MTSS1: variants seen among roughly 807,000 people sequenced by gnomAD.
The protein encoded by MTSS1 is protein MTSS 1.
MTSS1 carries 18 observed loss-of-function variants against 79.0 expected under a neutral mutation model. The observed-to-expected ratio is 0.23, with a 90% confidence interval of 0.16 to 0.34. The LOEUF is 0.34. Ranked by LOEUF, MTSS1 falls within the 10% of genes least tolerant of loss-of-function variation. The probability of loss-of-function intolerance (pLI) is 1.00; values close to 1 mark genes in which losing one functional copy is unlikely to be tolerated. For missense variants in MTSS1, 815 were observed against 986.2 expected (o/e 0.83, Z 2.33); for synonymous variants, 341 against 368.6 (o/e 0.93, Z 0.86).
intron 3 of MTSS1, among the ~76,000 whole-genome samples, chr8:124,686,848 A>C (rs901020729): frequency 6.6e-6 from 1 of 152,292 alleles, no homozygotes; most frequent in Non-Finnish European, 1.5e-5. Context: ...CTGGAGTGTC[A>C]CATAGACGAG....
intron 3 of MTSS1, among the ~76,000 whole-genome samples, chr8:124,675,762 C>A (rs756809929): frequency 6.6e-6 from 1 of 152,230 alleles, no homozygotes; most frequent in African/African-American, 2.4e-5. Flanking sequence ...TATGAGACCT[C>A]TTGTCTCTTG....
chr8:124,666,212 TGTG>T (rs933391999), intron 3 of MTSS1, among the ~76,000 whole-genome samples: 8 of 152,234 alleles, frequency 5.3e-5, no homozygotes, highest in African/African-American at 1.9e-4. Flanking sequence ...GGACAAGCAC[TGTG>T]GCTAGCTCAC....
chr8:124,625,997 C>A (rs1486712528), intron 3 of MTSS1, among the ~76,000 whole-genome samples: 2 of 143,024 alleles, frequency 1.4e-5, no homozygotes, highest in Admixed American at 7.0e-5. Flanking sequence ...CTACTATACG[C>A]AGCAGGAAAC....
At chr8:124,670,934 C>G (rs1824055204) in intron 3 of MTSS1, among the ~76,000 whole-genome samples, 2 of 152,186 alleles carry the variant, frequency 1.3e-5, no homozygotes, top group Non-Finnish European at 1.5e-5. Context: ...AAAGAAAACA[C>G]AGCTACCGCA....
intron 3 of MTSS1, among the ~76,000 whole-genome samples, chr8:124,621,841 G>T (rs529880190): frequency 2.6e-5 from 4 of 152,076 alleles, no homozygotes; most frequent in Non-Finnish European, 5.9e-5. Flanking sequence ...GATCCACCAC[G>T]CCCAGCCCCT....
chr8:124,695,287 C>T (rs751442722), intron 3 of MTSS1, among the ~76,000 whole-genome samples: 1 of 151,772 alleles, frequency 6.6e-6, no homozygotes, highest in Non-Finnish European at 1.5e-5. Flanking sequence ...AGAAGAGATG[C>T]ACTTAATGAT....
intron 3 of MTSS1, among the ~76,000 whole-genome samples, chr8:124,688,227 G>A (rs557472855): frequency 2.0e-5 from 3 of 152,146 alleles, no homozygotes; most frequent in South Asian, 2.1e-4. Flanking sequence ...GCGTGTGTAT[G>A]TGTATGTTGT....
chr8:124,622,775 A>G (rs891191605), intron 3 of MTSS1, among the ~76,000 whole-genome samples: 8 of 146,830 alleles, frequency 5.4e-5, no homozygotes, highest in African/African-American at 2.1e-4. Context: ...CCTGGGCGGC[A>G]GAGCAGGGAG....
At chr8:124,580,283 A>G (rs1486476098) in intron 6 of MTSS1, 1 of 413,056 alleles carries the variant, frequency 2.4e-6, no homozygotes, top group African/African-American at 2.0e-5. Context: ...TCTTTTTTCC[A>G]TGAGTCTAAT....
intron 5 of MTSS1, among the ~76,000 whole-genome samples, chr8:124,587,001 G>T (rs1455666400): frequency 6.6e-6 from 1 of 152,182 alleles, no homozygotes; most frequent in Non-Finnish European, 1.5e-5. Context: ...CATCCTATTT[G>T]AAGTCTCAGC....
chr8:124,553,920 A>G lies in MTSS1; in HGVS notation c.1568-228T>C, dbSNP rs910026627. 5.3e-5 allele frequency among the ~76,000 whole-genome samples: 8 copies of G among 152,190 alleles called. No homozygotes were observed. The highest frequency in any genetic ancestry group is 1.7e-4 in the African/African-American group (7 of 41,448). On this transcript the variant is annotated intron_variant, in intron 13 of 13. Transcript: ENST00000518547. This position sits in a 1 kb window ranked among gnomAD's most constrained non-coding sequence, Gnocchi z 6.0. ...TCCCAAGTACCTAGAACAGTGCTGGACACGGTAGGCACTCAAATATCGTCA... is the reference window on the plus strand; with the variant it reads ...TCCCAAGTACCTAGAACAGTGCTGGGCACGGTAGGCACTCAAATATCGTCA...
intron 6 of MTSS1, among the ~76,000 whole-genome samples, chr8:124,578,396 C>A (rs1829394355): frequency 6.6e-6 from 1 of 152,108 alleles, no homozygotes; most frequent in African/African-American, 2.4e-5. Context: ...CCTCCTCATT[C>A]TTCAACAGCT....
chr8:124,658,015 T>A (rs1301139082), intron 3 of MTSS1, among the ~76,000 whole-genome samples: 1 of 152,086 alleles, frequency 6.6e-6, no homozygotes, highest in Non-Finnish European at 1.5e-5. Flanking sequence ...AATGATGATC[T>A]CTCCCTCCAC....
intron 11 of MTSS1, 56 bp from the exon 12 acceptor site, chr8:124,556,461 C>T (rs1013614498): frequency 2.6e-5 from 40 of 1,537,734 alleles, no homozygotes; most frequent in South Asian, 7.6e-5. Flanking sequence ...TGGAGGGCTG[C>T]GGGGACCCCA....
At position 124,667,688 on chromosome 8, in the gene MTSS1, T is replaced by A. The variant is rs144309329; in HGVS notation, c.208+31838A>T. ...AAATAACAACAACTCCGGGAGGAGG[T>A]ATTATTATCATTTCAGACATGTGAG... is the stretch of plus-strand genomic sequence containing the variant. On this transcript the variant is annotated intron_variant, in intron 3 of 13. Transcript: ENST00000518547. Among the ~76,000 whole-genome samples, 879 of 151,210 alleles carry A rather than the reference T, an allele frequency of 5.8e-3. 4 individuals are homozygous for A. Among genetic ancestry groups the A allele is most frequent in the Non-Finnish European group, 9.3e-3 (633 of 67,798 alleles).
intron 4 of MTSS1, among the ~76,000 whole-genome samples, 156 bp downstream of exon 4, chr8:124,590,995 G>T (rs1002498540): frequency 7.0e-6 from 1 of 143,040 alleles, no homozygotes; most frequent in African/African-American, 2.7e-5. Flanking sequence ...CTCGACCAGT[G>T]CCTGGTATGC....
chr8:124,663,691 T>G (rs888927058), intron 3 of MTSS1, among the ~76,000 whole-genome samples: 1 of 152,172 alleles, frequency 6.6e-6, no homozygotes, highest in Non-Finnish European at 1.5e-5. Flanking sequence ...CTGCAGACCC[T>G]CCAAATATCA....
In MTSS1 at chr8:124,727,087, CGCGCGCGCGCACACACACAT is replaced by C. The variant is rs1428512206; in HGVS notation, c.72+777_72+796del. On this transcript the variant is annotated intron_variant, in intron 1 of 13. Transcript: ENST00000518547. This position sits in a 1 kb window ranked among gnomAD's most constrained non-coding sequence, Gnocchi z 4.7. ...CAGGGTGTTGTTCCCCGCCCCCACG[CGCGCGCGCGCACACACACAT>C]GCACGCGCGCACACACACACCATCT... Among the ~76,000 whole-genome samples, 1 of 151,908 alleles carries C rather than the reference CGCGCGCGCGCACACACACAT, an allele frequency of 6.6e-6. No homozygotes were observed. The highest frequency in any genetic ancestry group is 1.5e-5 in the Non-Finnish European group (1 of 67,940).
chr8:124,690,959 G>A (rs889232567), intron 3 of MTSS1, among the ~76,000 whole-genome samples: 2 of 152,078 alleles, frequency 1.3e-5, no homozygotes, highest in East Asian at 3.9e-4. Context: ...AAAAATGCAT[G>A]ACACCCTACT....
Sources: gnomAD v4.1 joint callset for allele counts (sites outside exome capture counted in the v4.1 genomes callset) on GRCh38, gnomAD v4.1.1 for gene constraint, Gnocchi (gnomAD v3.1) non-coding constraint, MANE v1.5 for transcripts, NCBI Gene and HGNC (gene_info 2026-07-23, HGNC 2026-07-21) for gene names.